Variants in SGCZ observed in about 807,000 individuals in gnomAD.
The protein encoded by SGCZ is zeta-sarcoglycan.
Under a neutral mutation model 41.3 loss-of-function variants are expected in SGCZ, and 40 were observed. That is an observed-to-expected ratio of 0.97 (90% CI 0.75 to 1.26). The LOEUF (loss-of-function observed/expected upper bound fraction) is 1.26. Among genes scored for constraint, SGCZ ranks in the 50% most tolerant of loss-of-function variants. The pLI is 0.00. For synonymous variants in SGCZ, 206 were observed against 137.5 expected (o/e 1.50, Z -3.49); for missense variants, 552 against 369.8 (o/e 1.49, Z -4.04).
chr8:14,975,712 CTG>C (rs1801445758), intron 1 of SGCZ, among the ~76,000 whole-genome samples: 1 of 151,552 alleles, frequency 6.6e-6, no homozygotes, highest in African/African-American at 2.4e-5. Context: ...TGATAAAATG[CTG>C]TGTTTTCTCT....
chr8:15,224,040 G>C lies in SGCZ; in HGVS notation c.39+13545C>G, dbSNP rs1801693374. ...CAGCTAATTTTTTGTATTTTTAGTA[G>C]AAACGGGGCTTCACTGTGCTGGCCA... On this transcript the variant is annotated intron_variant, in intron 1 of 7. Coordinates refer to ENST00000382080, the MANE Select transcript of SGCZ (RefSeq NM_139167.4). 2.0e-5 allele frequency among the ~76,000 whole-genome samples: 3 copies of C among 152,102 alleles called. No individual in the cohort carries two copies. The South Asian group carries it at 6.2e-4, about 32-fold the overall frequency.
intron 1 of SGCZ, among the ~76,000 whole-genome samples, chr8:14,621,342 C>G (rs1806278735): frequency 6.6e-6 from 1 of 151,180 alleles, no homozygotes; most frequent in African/African-American, 2.4e-5. Context: ...ATGTAAATGA[C>G]AAGTTAACGG....
chr8:14,682,177 C>T (rs915990001), intron 1 of SGCZ, among the ~76,000 whole-genome samples: 1 of 151,680 alleles, frequency 6.6e-6, no homozygotes, highest in Non-Finnish European at 1.5e-5. Context: ...TCAATTTGTT[C>T]GACTAAAGAA....
intron 1 of SGCZ, among the ~76,000 whole-genome samples, chr8:14,613,414 T>C (rs1223962577): frequency 6.6e-6 from 1 of 152,136 alleles, no homozygotes; most frequent in Non-Finnish European, 1.5e-5. Context: ...TATAATATTG[T>C]CTCTTAGATA....
At chr8:15,044,187 TGTCA>T (rs2130982791) in intron 1 of SGCZ, among the ~76,000 whole-genome samples, 1 of 152,304 alleles carries the variant, frequency 6.6e-6, no homozygotes, top group South Asian at 2.1e-4. Context: ...ATTGAATAAA[TGTCA>T]GTATCATAGG....
chr8:14,159,956 C>G (rs1317483118), intron 5 of SGCZ, among the ~76,000 whole-genome samples: 2 of 152,264 alleles, frequency 1.3e-5, no homozygotes, highest in East Asian at 3.9e-4. Flanking sequence ...TGTTGTCAAA[C>G]AGACATGGGA....
chr8:15,189,842 C>T lies in SGCZ; in HGVS notation c.39+47743G>A, dbSNP rs144855223. Among the ~76,000 whole-genome samples, 1,178 of 152,288 alleles carry T rather than the reference C, an allele frequency of 7.7e-3. 13 individuals carry two copies. Among genetic ancestry groups the T allele is most frequent in the African/African-American group, 0.025 (1,031 of 41,568 alleles). The stretch of plus-strand genomic sequence containing the variant: ...CTGGGATTACAGGCATGAGCCACCA[C>T]GCCCAGCCCTTGAAGCATTTTTCCA... On this transcript the variant is annotated intron_variant, in intron 1 of 7. Transcript: ENST00000382080.
At chr8:14,555,874 A>T (rs1171797167) in intron 1 of SGCZ, among the ~76,000 whole-genome samples, 3 of 152,102 alleles carry the variant, frequency 2.0e-5, no homozygotes, top group Non-Finnish European at 4.4e-5. Flanking sequence ...ATTCAGAATT[A>T]TGTTGGTTAT....
chr8:15,141,684 A>G (rs1277529057), intron 1 of SGCZ, among the ~76,000 whole-genome samples: 1 of 152,172 alleles, frequency 6.6e-6, no homozygotes, highest in African/African-American at 2.4e-5. Flanking sequence ...CGGGAGGATC[A>G]CGAGGTCAGG....
chr8:14,940,252 C>T (rs1483019069), intron 1 of SGCZ, among the ~76,000 whole-genome samples: 1 of 152,056 alleles, frequency 6.6e-6, no homozygotes, highest in African/African-American at 2.4e-5. Flanking sequence ...GTAACATGCC[C>T]ACATTTAACT....
chr8:15,116,941 G>C (rs1315674867), intron 1 of SGCZ, among the ~76,000 whole-genome samples: 1 of 152,160 alleles, frequency 6.6e-6, no homozygotes, highest in East Asian at 1.9e-4. Flanking sequence ...ATTCAAGATT[G>C]ATAGTTCTAA....
intron 2 of SGCZ, among the ~76,000 whole-genome samples, chr8:14,404,843 G>A (rs1192306187): frequency 6.6e-6 from 1 of 152,150 alleles, no homozygotes; most frequent in Non-Finnish European, 1.5e-5. Context: ...AGTTAGTTCT[G>A]GCCAATAGGA....
chr8:14,203,809 G>T (rs2117077051), intron 4 of SGCZ, among the ~76,000 whole-genome samples: 1 of 152,264 alleles, frequency 6.6e-6, no homozygotes, highest in Non-Finnish European at 1.5e-5. Context: ...GAAACATACA[G>T]TAGGGGCATG....
intron 4 of SGCZ, 182 bp from the exon 5 acceptor site, chr8:14,164,884 C>G (rs1216110334): frequency 1.4e-6 from 1 of 735,512 alleles, no homozygotes; most frequent in Non-Finnish European, 2.1e-6. Context: ...TGGGAATGTA[C>G]TTCTGTGCTA....
intron 1 of SGCZ, among the ~76,000 whole-genome samples, chr8:15,077,354 T>C (rs35206708): frequency 0.17 from 25,170 of 152,226 alleles, 2,184 homozygotes; most frequent in Middle Eastern, 0.23. Flanking sequence ...ACAGCTGTTA[T>C]TGCAGTAATT....
In SGCZ at chr8:14,303,682, G is replaced by T. The variant is rs371780787; in HGVS notation, c.336+20421C>A. ...AACACCAGTGTCTTCTTGGTTTTTA[G>T]TGAAAATATTAGCCAATTTCTAAAT... On this transcript the variant is annotated intron_variant, in intron 3 of 7. Coordinates refer to ENST00000382080, the MANE Select transcript of SGCZ (RefSeq NM_139167.4). Among the ~76,000 whole-genome samples, 95 of 152,188 alleles carry T rather than the reference G, an allele frequency of 6.2e-4. 1 individual carries two copies. In the East Asian group the frequency reaches 0.011, roughly 18 times the overall value.
intron 1 of SGCZ, among the ~76,000 whole-genome samples, chr8:14,753,923 C>A (rs556157262): frequency 6.6e-6 from 1 of 152,174 alleles, no homozygotes; most frequent in Non-Finnish European, 1.5e-5. Context: ...CTGCCTTTGC[C>A]TACAAACGTA....
At chr8:14,206,139 T>C (rs1805607943) in intron 4 of SGCZ, among the ~76,000 whole-genome samples, 1 of 152,146 alleles carries the variant, frequency 6.6e-6, no homozygotes, top group East Asian at 1.9e-4. Context: ...TCTAAGTATG[T>C]GTATAAGGTC....
intron 3 of SGCZ, among the ~76,000 whole-genome samples, chr8:14,282,698 C>T (rs1158443166): frequency 6.6e-6 from 1 of 152,118 alleles, no homozygotes; most frequent in Non-Finnish European, 1.5e-5. Flanking sequence ...ATTTCACTTC[C>T]TCAAATGTTC....
Sources: allele counts gnomAD v4.1 joint callset (sites outside exome capture counted in the v4.1 genomes callset), GRCh38; gene constraint gnomAD v4.1.1; transcripts MANE v1.5; gene names NCBI Gene and HGNC (gene_info 2026-07-23, HGNC 2026-07-21).